FANCC: variants seen among roughly 807,000 people sequenced by gnomAD.
FANCC encodes FA complementation group C, also known as Fanconi anemia group C protein.
In FANCC, 55 loss-of-function variants were observed where a neutral mutation model predicts 71.3. The ratio of observed to expected loss-of-function variants is 0.77; its 90% confidence interval spans 0.62 to 0.97. The LOEUF (loss-of-function observed/expected upper bound fraction) is 0.97. FANCC is among the 50% of genes least tolerant of loss of function. The pLI, the probability that FANCC is intolerant of heterozygous loss-of-function variation, is 0.00. For missense variants in FANCC, 678 were observed against 670.9 expected (o/e 1.01, Z -0.12); for synonymous variants, 275 against 244.9 (o/e 1.12, Z -1.15).
intron 1 of FANCC, among the ~76,000 whole-genome samples, chr9:95,307,495 T>C (rs1564845612): frequency 6.6e-6 from 1 of 152,210 alleles, no homozygotes; most frequent in Non-Finnish European, 1.5e-5. Context: ...AGAACCCTGA[T>C]TAATGCAGTA....
chr9:95,192,115 G>A lies in FANCC; in HGVS notation c.346-19968C>T, dbSNP rs4647476. On this transcript the variant is annotated intron_variant, in intron 4 of 14. Transcript: ENST00000289081. ...AATGAAGATGCAGGGAACAATGGGA[G>A]GAACACCTTGGATGTGATATCTAAA... Among the ~76,000 whole-genome samples the A allele has an allele frequency of 9.9e-3, 1,503 of 152,304 alleles. 32 individuals carry two copies. Among genetic ancestry groups the A allele is most frequent in the African/African-American group, 0.034 (1,421 of 41,570 alleles).
At chr9:95,236,080 T>C (rs944119088) in intron 4 of FANCC, among the ~76,000 whole-genome samples, 3 of 152,216 alleles carry the variant, frequency 2.0e-5, no homozygotes, top group South Asian at 2.1e-4. Context: ...TATTGCTTAG[T>C]ATTGCATTTC....
intron 6 of FANCC, among the ~76,000 whole-genome samples, chr9:95,170,788 C>T (rs1376555459): frequency 6.6e-6 from 1 of 151,932 alleles, no homozygotes; most frequent in African/African-American, 2.4e-5. Context: ...AAACTAAGTA[C>T]TGCTCTTTCT....
intron 4 of FANCC, among the ~76,000 whole-genome samples, chr9:95,178,780 C>T (rs958646238): frequency 1.3e-5 from 2 of 152,128 alleles, no homozygotes; most frequent in African/African-American, 4.8e-5. Flanking sequence ...AATGTTATTT[C>T]ATTTTATAAG....
In FANCC at chr9:95,139,853, A is replaced by ATATAT. The variant is rs1564685224; in HGVS notation, c.687-4352_687-4351insATATA. On this transcript the variant is annotated intron_variant, in intron 7 of 14. Coordinates refer to ENST00000289081, the MANE Select transcript of FANCC (RefSeq NM_000136.3). Reference sequence around the variant, plus strand: ...ATATATTTATATATATATATATATAAATATATATATTCATTCATTCTGTGG... The same window carrying ATATAT: ...ATATATTTATATATATATATATATAATATATATATATATATTCATTCATTCTGTGG... Among the ~76,000 whole-genome samples, 5 of 144,418 alleles carry ATATAT rather than the reference A, an allele frequency of 3.5e-5. No individual in the cohort carries two copies. In the East Asian group the frequency reaches 1.0e-3, roughly 29 times the overall value. 94.7% of individuals were successfully genotyped at this position (144,418 alleles called of 152,430 possible). A position where few individuals can be genotyped will look rare whatever the true frequency, so the allele number is the denominator to read the frequency against.
chr9:95,314,124 C>T (rs1454944466), intron 1 of FANCC, among the ~76,000 whole-genome samples: 1 of 152,146 alleles, frequency 6.6e-6, no homozygotes. Flanking sequence ...AAGGCATCCA[C>T]ATGGAAAGAA....
chr9:95,251,202 C>G (rs1588357396), intron 1 of FANCC, among the ~76,000 whole-genome samples: 2 of 152,166 alleles, frequency 1.3e-5, no homozygotes, highest in African/African-American at 4.8e-5. Context: ...GGCAAACACT[C>G]AAAAAATACT....
Position 95,294,304 on chromosome 9 carries a change from C to G in FANCC, c.-79+23222G>C, listed in dbSNP as rs371376838. On this transcript the variant is annotated intron_variant, in intron 1 of 14. Transcript: ENST00000289081. ...CCAGACTCAAACTGAAGAGAGTGAA[C>G]TTAGCACCATGAACACTGAGCCAGT... 2.3e-5 allele frequency: 36 copies of G among 1,583,978 alleles called. No individual in the cohort carries two copies. In the African/African-American group the frequency reaches 4.7e-4, roughly 21 times the overall value.
At chr9:95,232,160 G>A (rs1830049532) in intron 4 of FANCC, among the ~76,000 whole-genome samples, 1 of 152,140 alleles carries the variant, frequency 6.6e-6, no homozygotes, top group Non-Finnish European at 1.5e-5. Context: ...AGAGAAACAA[G>A]GGAGGTGCCA....
intron 4 of FANCC, among the ~76,000 whole-genome samples, chr9:95,218,498 T>TCGA (rs1276253137): frequency 1.3e-5 from 2 of 152,116 alleles, no homozygotes; most frequent in Non-Finnish European, 2.9e-5. Flanking sequence ...TACCCTGATG[T>TCGA]CGAAACAAAG....
intron 1 of FANCC, among the ~76,000 whole-genome samples, chr9:95,305,305 A>C (rs1347044251): frequency 1.3e-5 from 2 of 152,236 alleles, no homozygotes; most frequent in South Asian, 2.1e-4. Flanking sequence ...CTTAATTGGA[A>C]ATCAGAGCAC....
chr9:95,147,922 T>C (rs73530498), intron 7 of FANCC, among the ~76,000 whole-genome samples: 5,605 of 152,298 alleles, frequency 0.037, 307 homozygotes, highest in African/African-American at 0.12. Flanking sequence ...TATATGAAAG[T>C]TGGCCACACA....
chr9:95,302,966 C>G (rs1485845708), intron 1 of FANCC, among the ~76,000 whole-genome samples: 1 of 152,170 alleles, frequency 6.6e-6, no homozygotes, highest in Non-Finnish European at 1.5e-5. Context: ...AAGATGTCCA[C>G]TACAAATTCT....
At chr9:95,258,645 T>C (rs901788616) in intron 1 of FANCC, among the ~76,000 whole-genome samples, 4 of 152,172 alleles carry the variant, frequency 2.6e-5, no homozygotes, top group African/African-American at 4.8e-5. Flanking sequence ...AAAGATGCCC[T>C]CTCTCACCAC....
chr9:95,193,393 G>A (rs1040170005), intron 4 of FANCC, among the ~76,000 whole-genome samples: 4 of 152,270 alleles, frequency 2.6e-5, no homozygotes, highest in African/African-American at 4.8e-5. Flanking sequence ...GGGTGGAGAC[G>A]AAACAGACCT....
chr9:95,125,027 T>C (rs1258383248), intron 10 of FANCC, 59 bp downstream of exon 10: 17 of 1,447,888 alleles, frequency 1.2e-5, no homozygotes, highest in Admixed American at 5.0e-5. Context: ...TTGTCCAAAA[T>C]ACTCTCAACA....
intron 10 of FANCC, among the ~76,000 whole-genome samples, chr9:95,121,656 C>G (rs867239179): frequency 6.6e-5 from 10 of 152,296 alleles, no homozygotes; most frequent in African/African-American, 2.4e-4. Context: ...AACAGTACTT[C>G]CCCACAGCCA....
intron 4 of FANCC, among the ~76,000 whole-genome samples, chr9:95,214,036 G>A (rs1828687531): frequency 6.6e-6 from 1 of 152,156 alleles, no homozygotes; most frequent in African/African-American, 2.4e-5. Flanking sequence ...ACAAGCACAT[G>A]AAAAGATGTT....
At chr9:95,126,789 G>A (rs914852752) in intron 8 of FANCC, 5 of 578,930 alleles carry the variant, frequency 8.6e-6, no homozygotes, top group Non-Finnish European at 1.6e-5. Context: ...GTTACAGGCA[G>A]CTTATTCCTC....
Sources: allele counts gnomAD v4.1 joint callset (sites outside exome capture counted in the v4.1 genomes callset), GRCh38; gene constraint gnomAD v4.1.1; transcripts MANE v1.5; gene names NCBI Gene and HGNC (gene_info 2026-07-23, HGNC 2026-07-21).